Variants in LAPTM4B observed in about 807,000 individuals in gnomAD.
The protein encoded by LAPTM4B is lysosomal protein transmembrane 4 beta.
A neutral mutation model predicts 28.5 loss-of-function variants in LAPTM4B; 26 were observed. The observed-to-expected ratio is 0.91, with a 90% CI of 0.67 to 1.27. The LOEUF (loss-of-function observed/expected upper bound fraction) is 1.27. LAPTM4B is among the 50% of genes most tolerant of loss of function. The pLI, the probability that LAPTM4B is intolerant of heterozygous loss-of-function variation, is 0.00. For synonymous variants in LAPTM4B, 109 were observed against 106.4 expected (o/e 1.02, Z -0.15); for missense variants, 288 against 285.8 (o/e 1.01, Z -0.06).
intron 5 of LAPTM4B, among the ~76,000 whole-genome samples, chr8:97,822,660 A>G (rs1817025440): frequency 6.6e-6 from 1 of 151,954 alleles, no homozygotes; most frequent in South Asian, 2.1e-4. Context: ...TGATGTATTT[A>G]TACAGACATT....
rs549071343 is a variant in LAPTM4B at position 97,789,847 on chromosome 8, A to G, written c.99+13739A>G. Among the ~76,000 whole-genome samples the G allele has an allele frequency of 7.2e-5, 11 of 151,980 alleles. No individual in the cohort carries two copies. In the South Asian group the frequency reaches 1.7e-3, roughly 23 times the overall value. On this transcript the variant is annotated intron_variant, in intron 1 of 6. Transcript: ENST00000521545. ...TCTTTCCACCTTTTTGTACCCATTAACCTTCTGCCTCGTCACTCCCCACTA... is the reference window on the plus strand; with the variant it reads ...TCTTTCCACCTTTTTGTACCCATTAGCCTTCTGCCTCGTCACTCCCCACTA...
intron 4 of LAPTM4B, among the ~76,000 whole-genome samples, chr8:97,816,731 A>G (rs1816922395): frequency 6.6e-6 from 1 of 152,198 alleles, no homozygotes; most frequent in Non-Finnish European, 1.5e-5. Flanking sequence ...AACAAAGGAT[A>G]GCTTTTTGCC....
intron 5 of LAPTM4B, among the ~76,000 whole-genome samples, chr8:97,821,881 G>A (rs899538405): frequency 6.6e-5 from 10 of 152,210 alleles, no homozygotes; most frequent in African/African-American, 2.4e-4. Context: ...CCTTATGTCA[G>A]AAGCCCTGCC....
At chr8:97,817,708 C>G (rs1043972407) in intron 4 of LAPTM4B, among the ~76,000 whole-genome samples, 1 of 151,932 alleles carries the variant, frequency 6.6e-6, no homozygotes, top group African/African-American at 2.4e-5. Context: ...CATCGGCCTC[C>G]CAGAGTGCTA....
At chr8:97,809,792 A>G (rs908152166) in intron 2 of LAPTM4B, among the ~76,000 whole-genome samples, 83 of 152,228 alleles carry the variant, frequency 5.5e-4, no homozygotes, top group African/African-American at 1.9e-3. Context: ...CCAGCCAGAC[A>G]GAGCAGAACT....
At chr8:97,842,425 C>T (rs58260819) in intron 6 of LAPTM4B, among the ~76,000 whole-genome samples, 47,391 of 152,002 alleles carry the variant, frequency 0.31, 8,320 homozygotes, top group Non-Finnish European at 0.41. Context: ...GTTCAGTAGC[C>T]CCTGCTTTTG....
At chr8:97,800,484 CTTTTTTTTTTT>C (rs546425169) in intron 1 of LAPTM4B, among the ~76,000 whole-genome samples, 10 of 69,326 alleles carry the variant, frequency 1.4e-4, no homozygotes, top group African/African-American at 5.2e-4. Flanking sequence ...CCCTTGACCT[CTTTTTTTTTTT>C]TTTTTTTTTT....
intron 1 of LAPTM4B, among the ~76,000 whole-genome samples, chr8:97,781,278 C>CTTTTTTTTTTTTTTTTTTTTTTTT (rs71271147): frequency 2.0e-5 from 1 of 50,840 alleles, no homozygotes; most frequent in Non-Finnish European, 3.1e-5. Flanking sequence ...TGTGCCCGGC[C>CTTTTTTTTTTTTTTTTTTTTTTTT]TTTTTTTTTT....
chr8:97,789,095 C>T (rs1007398277), intron 1 of LAPTM4B, among the ~76,000 whole-genome samples: 2 of 147,430 alleles, frequency 1.4e-5, no homozygotes, highest in African/African-American at 5.0e-5. Flanking sequence ...TATTTTGAGA[C>T]GGAGTTTTGC....
chr8:97,814,042 A>G (rs1286865684), intron 2 of LAPTM4B, among the ~76,000 whole-genome samples: 23 of 152,204 alleles, frequency 1.5e-4, no homozygotes, highest in Admixed American at 1.5e-3. Context: ...GCAGTTGTGT[A>G]CCTGCCAAGT....
chr8:97,825,415 T>C (rs539182898), intron 6 of LAPTM4B, among the ~76,000 whole-genome samples: 227 of 152,348 alleles, frequency 1.5e-3, no homozygotes, highest in Non-Finnish European at 2.5e-3. Flanking sequence ...AGATAATATA[T>C]GTACCTTACT....
At chr8:97,815,171 A>G (rs1396361445) in intron 2 of LAPTM4B, 157 bp from the exon 3 acceptor site, 2 of 622,284 alleles carry the variant, frequency 3.2e-6, no homozygotes, top group African/African-American at 1.8e-5. Context: ...GTAAACCAAT[A>G]TCCCTTTTTC....
intron 5 of LAPTM4B, among the ~76,000 whole-genome samples, chr8:97,823,356 G>GTTTT (rs72472850): frequency 4.2e-4 from 55 of 131,102 alleles, no homozygotes; most frequent in African/African-American, 1.6e-3. Context: ...TTTTTTTTTT[G>GTTTT]TTTTTTTTTT....
rs1008224028 is a variant in LAPTM4B at position 97,817,452 on chromosome 8, T to C, written c.408+1272T>C. On this transcript the variant is annotated intron_variant, in intron 4 of 6. Coordinates refer to ENST00000521545, the MANE Select transcript of LAPTM4B (RefSeq NM_018407.6). ...TGTACCAGGCCAACTTTACTTTTTT[T>C]TTTTTTTTTTTTTGAGACAGAGTCT... is the stretch of plus-strand genomic sequence containing the variant. Among the ~76,000 whole-genome samples the C allele has an allele frequency of 4.1e-5, 6 of 145,612 alleles. No homozygotes were observed. The East Asian group carries it at 1.0e-3, about 25-fold the overall frequency.
At chr8:97,783,397 C>T (rs752870532) in intron 1 of LAPTM4B, among the ~76,000 whole-genome samples, 1 of 151,978 alleles carries the variant, frequency 6.6e-6, no homozygotes, top group Non-Finnish European at 1.5e-5. Flanking sequence ...GTAAAGGAAA[C>T]CAGAATATCT....
chr8:97,822,150 G>T (rs1817013648), intron 5 of LAPTM4B, among the ~76,000 whole-genome samples: 1 of 152,016 alleles, frequency 6.6e-6, no homozygotes, highest in Non-Finnish European at 1.5e-5. Flanking sequence ...TGAGGCTAGG[G>T]CTGCCTACCA....
chr8:97,822,988 C>T (rs1817030305), intron 5 of LAPTM4B, among the ~76,000 whole-genome samples: 1 of 151,860 alleles, frequency 6.6e-6, no homozygotes, highest in African/African-American at 2.4e-5. Context: ...ACTACAGGCG[C>T]CTGCCACCAT....
chr8:97,816,691 A>C (rs775246271), intron 4 of LAPTM4B, among the ~76,000 whole-genome samples: 6 of 152,208 alleles, frequency 3.9e-5, no homozygotes, highest in Non-Finnish European at 7.3e-5. Flanking sequence ...TAATAGTCGT[A>C]TTTGGTAAAA....
At chr8:97,838,867 G>T (rs1396521996) in intron 6 of LAPTM4B, among the ~76,000 whole-genome samples, 8 of 152,154 alleles carry the variant, frequency 5.3e-5, no homozygotes, top group Non-Finnish European at 1.0e-4. Flanking sequence ...CTCAGAAAAG[G>T]GGCGGAAGAA....
Sources: gnomAD v4.1 joint callset for allele counts (sites outside exome capture counted in the v4.1 genomes callset) on GRCh38, gnomAD v4.1.1 for gene constraint, MANE v1.5 for transcripts, NCBI Gene and HGNC (gene_info 2026-07-23, HGNC 2026-07-21) for gene names.